Variants in POU2F3 observed in about 807,000 individuals in gnomAD.
The protein encoded by POU2F3 is POU domain, class 2, transcription factor 3.
In POU2F3, 23 loss-of-function variants were observed where a neutral mutation model predicts 59.2. That is an observed-to-expected ratio of 0.39 (90% CI 0.28 to 0.55). The LOEUF (loss-of-function observed/expected upper bound fraction) is 0.55. Among genes scored for constraint, POU2F3 ranks in the 20% least tolerant of loss-of-function variants. The pLI, the probability that POU2F3 is intolerant of heterozygous loss-of-function variation, is 0.66. For synonymous variants in POU2F3, 190 were observed against 214.6 expected (o/e 0.89, Z 1.00); for missense variants, 473 against 544.5 (o/e 0.87, Z 1.31).
chr11:120,246,393 G>T, intron 1 of POU2F3, 56 bp from the exon 2 acceptor site: 2 of 1,567,756 alleles, frequency 1.3e-6, no homozygotes, highest in Non-Finnish European at 1.8e-6. Flanking sequence ...AGCCACATAT[G>T]TCATAGCAAG....
chr11:120,281,485 C>T (rs773640006), intron 3 of POU2F3, among the ~76,000 whole-genome samples: 3 of 151,778 alleles, frequency 2.0e-5, no homozygotes, highest in South Asian at 4.2e-4. Context: ...CACTGATCAC[C>T]GCTGCCTTCA....
At position 120,309,591 on chromosome 11, in the gene POU2F3, G is replaced by A. The variant is rs1163873144; in HGVS notation, c.1068+5G>A. 6.2e-7 allele frequency: 1 copy of A among 1,612,244 alleles called. No individual in the cohort carries two copies. Among genetic ancestry groups the A allele is most frequent in the Admixed American group, 1.7e-5 (1 of 60,006 alleles). On this transcript the variant is annotated splice_donor_5th_base_variant and intron_variant, in intron 10 of 12. Coordinates refer to ENST00000543440, the MANE Select transcript of POU2F3 (RefSeq NM_014352.4). ...CCTGTCTACAACTCCCGGCTGGTGA[G>A]TGGCCAGGAACCAAGCTGTCTGCCA...
At position 120,246,436 on chromosome 11, in the gene POU2F3, G is replaced by C; in HGVS notation, c.29-13G>C. 6.2e-7 allele frequency: 1 copy of C among 1,613,602 alleles called. No homozygotes were observed. Among genetic ancestry groups the C allele is most frequent in the South Asian group, 1.1e-5 (1 of 91,044 alleles). On this transcript the variant is annotated splice_polypyrimidine_tract_variant and intron_variant, in intron 1 of 12. Coordinates refer to ENST00000543440, the MANE Select transcript of POU2F3 (RefSeq NM_014352.4). ...GTGACCTGTTATTAAAATCAGTTGT[G>C]TTTTCCCTGCAGATATCAAGATGAG... is the stretch of plus-strand genomic sequence containing the variant.
Position 120,298,387 on chromosome 11 carries a change from T to C in POU2F3, c.255T>C (p.Cys85=). The C allele has an allele frequency of 6.2e-7, 1 of 1,613,692 alleles. No individual in the cohort carries two copies. The highest frequency in any genetic ancestry group is 1.7e-5 in the Admixed American group (1 of 59,884). The part of the protein sequence containing the change: ...NQMSGLNASP[C]QDMASLHPLQ... ...TGTCTGGGCTAAATGCCAGCCCATG[T>C]CAGGTAACACTGTGATTTTCACAGT... is the stretch of plus-strand genomic sequence containing the variant. Residue 85 remains cysteine, a synonymous_variant, in exon 4 of 13, where the codon TGT becomes TGC. Transcript: ENST00000543440.
chr11:120,285,573 A>T lies in POU2F3; in HGVS notation c.133-12692A>T, dbSNP rs1940749428. Reference sequence around the variant, plus strand: ...TAATACATGAATACTTTCCGGTTATAAAAAAATTTCATAATAAAGATTAAA... The same window carrying T: ...TAATACATGAATACTTTCCGGTTATTAAAAAATTTCATAATAAAGATTAAA... On this transcript the variant is annotated intron_variant, in intron 3 of 12. Transcript: ENST00000543440. The surrounding 1 kb of genome is among the most constrained non-coding windows in gnomAD (Gnocchi z 4.3). 6.6e-6 allele frequency among the ~76,000 whole-genome samples: 1 copy of T among 152,208 alleles called. No homozygotes were observed. The highest frequency in any genetic ancestry group is 2.1e-4 in the South Asian group (1 of 4,828).
rs140836253 is a variant in POU2F3, at chr11:120,263,586, C to T, written c.98-5624C>T. 1.1e-3 allele frequency among the ~76,000 whole-genome samples: 164 copies of T among 152,298 alleles called. 1 individual carries two copies. The highest frequency in any genetic ancestry group is 3.6e-3 in the African/African-American group (151 of 41,556). On this transcript the variant is annotated intron_variant, in intron 2 of 12. Transcript: ENST00000543440. ...TAAAACCATACTCAATTTTTTTCTGCGTCACTCAATGCGTTGGAGTTATCG... is the reference window on the plus strand; with the variant it reads ...TAAAACCATACTCAATTTTTTTCTGTGTCACTCAATGCGTTGGAGTTATCG...
intron 2 of POU2F3, among the ~76,000 whole-genome samples, chr11:120,262,079 T>G (rs1333591330): frequency 6.6e-6 from 1 of 152,192 alleles, no homozygotes; most frequent in Non-Finnish European, 1.5e-5. Context: ...TCCAGGCCAG[T>G]ATATGGGGAG....
At chr11:120,245,879 G>A (rs552677967) in intron 1 of POU2F3, among the ~76,000 whole-genome samples, 4 of 152,086 alleles carry the variant, frequency 2.6e-5, no homozygotes, top group Non-Finnish European at 5.9e-5. Context: ...CAACACAGGA[G>A]CTAGGACTTG....
chr11:120,302,224 CAT>C, intron 5 of POU2F3, 60 bp from the exon 6 acceptor site: 1 of 1,425,248 alleles, frequency 7.0e-7, no homozygotes, highest in East Asian at 2.3e-5. Context: ...AGTTGTAGCA[CAT>C]GTGTTTCAAA....
chr11:120,247,789 C>T (rs2847502), intron 2 of POU2F3, among the ~76,000 whole-genome samples: 66,954 of 152,012 alleles, frequency 0.44, 17,398 homozygotes, highest in East Asian at 1. Flanking sequence ...TAGAGAAAAA[C>T]CAGCCCAGGA....
chr11:120,316,300 C>T (rs1941787708), intron 11 of POU2F3, among the ~76,000 whole-genome samples: 1 of 152,208 alleles, frequency 6.6e-6, no homozygotes. Context: ...TGCCATTTCA[C>T]AGAGGATGAA....
At chr11:120,306,864 C>T (rs1348057966) in intron 8 of POU2F3, among the ~76,000 whole-genome samples, 5 of 152,136 alleles carry the variant, frequency 3.3e-5, no homozygotes, top group African/African-American at 7.2e-5. Context: ...CGAAATGATC[C>T]GAAGGTCTTC....
intron 5 of POU2F3, chr11:120,301,088 A>G (rs1240394308): frequency 4.4e-6 from 2 of 456,148 alleles, no homozygotes; most frequent in South Asian, 3.1e-5. Context: ...ATAACCACCT[A>G]GGTCAGTGTA....
At chr11:120,301,247 G>T (rs1941340154) in intron 5 of POU2F3, 14 of 361,482 alleles carry the variant, frequency 3.9e-5, no homozygotes, top group South Asian at 3.1e-4. Context: ...TGGGATAATA[G>T]CAAGGCTCTG....
Position 120,246,588 on chromosome 11 carries a change from G to GTT in POU2F3, c.97+71_97+72insTT. ...AGTTGTTGGGAATTGTTGAACAACTGGTGTCTCTTCTTGCTTGGTCTTTCA... is the reference window on the plus strand; with the variant it reads ...AGTTGTTGGGAATTGTTGAACAACTGTTGTGTCTCTTCTTGCTTGGTCTTTCA... On this transcript the variant is annotated intron_variant, in intron 2 of 12. Transcript: ENST00000543440. The GTT allele has an allele frequency of 2.0e-6, 3 of 1,523,760 alleles. No individual in the cohort carries two copies. In the South Asian group the frequency reaches 3.4e-5, roughly 17 times the overall value. 94.4% of individuals were successfully genotyped at this position (1,523,760 alleles called of 1,614,324 possible). A position where few individuals can be genotyped will look rare whatever the true frequency, so the allele number is the denominator to read the frequency against.
chr11:120,298,338 C>T lies in POU2F3; in HGVS notation c.206C>T (p.Pro69Leu), dbSNP rs748037640. Residue 69 changes from proline (P) to leucine (L), a missense_variant, in exon 4 of 13, where the codon CCT becomes CTT. Transcript: ENST00000543440. ...SHRPCHLSQG[P>L]AMMSGNQMSG... ...CGGCCATGCCACCTGAGTCAAGGACCTGCCATGATGTCCGGAAACCAAATG... is the reference window on the plus strand; with the variant it reads ...CGGCCATGCCACCTGAGTCAAGGACTTGCCATGATGTCCGGAAACCAAATG... The T allele has an allele frequency of 1.2e-6, 2 of 1,613,872 alleles. No individual in the cohort carries two copies. Among genetic ancestry groups the T allele is most frequent in the South Asian group, 2.2e-5 (2 of 91,002 alleles).
intron 1 of POU2F3, among the ~76,000 whole-genome samples, chr11:120,245,241 G>GT (rs1221844103): frequency 2.6e-5 from 4 of 152,178 alleles, no homozygotes; most frequent in East Asian, 1.9e-4. Context: ...AGCCACACAC[G>GT]TTAGTCCTCA....
chr11:120,290,837 C>T (rs75646928), intron 3 of POU2F3, among the ~76,000 whole-genome samples: 7,890 of 152,254 alleles, frequency 0.052, 285 homozygotes, highest in Middle Eastern at 0.082. Context: ...CGCGCGTGCA[C>T]GCGTGTGTAC....
chr11:120,300,816 C>T (rs917424939), intron 5 of POU2F3: 1 of 315,284 alleles, frequency 3.2e-6, no homozygotes, highest in Non-Finnish European at 6.2e-6. Context: ...TGCACAAATC[C>T]CAAGTAGAGG....
Sources: gnomAD v4.1 joint callset for allele counts (sites outside exome capture counted in the v4.1 genomes callset) on GRCh38, gnomAD v4.1.1 for gene constraint, Gnocchi (gnomAD v3.1) non-coding constraint, MANE v1.5 for transcripts, NCBI Gene and HGNC (gene_info 2026-07-23, HGNC 2026-07-21) for gene names.